Variants in MRO observed in about 807,000 individuals in gnomAD.
MRO encodes maestro.
MRO carries 28 observed loss-of-function variants against 31.0 expected under a neutral mutation model. That is an observed-to-expected ratio of 0.90 (90% CI 0.67 to 1.24). The LOEUF (loss-of-function observed/expected upper bound fraction) is 1.24, where lower values mean the gene tolerates loss of function less well. Ranked by LOEUF, MRO falls within the 50% of genes most tolerant of loss-of-function variation. MRO has a pLI of 0.00. For synonymous variants in MRO, 108 were observed against 108.4 expected (o/e 1.00, Z 0.02); for missense variants, 332 against 289.2 (o/e 1.15, Z -1.07).
intron 5 of MRO, 69 bp from the exon 6 acceptor site, chr18:50,801,573 A>G (rs963973158): frequency 3.5e-6 from 5 of 1,417,930 alleles, no homozygotes; most frequent in African/African-American, 1.4e-5. Context: ...ATCTGAACAC[A>G]TCACAGCCAT....
At chr18:50,806,589 T>G in intron 4 of MRO, 115 bp downstream of exon 4, 1 of 1,293,390 alleles carries the variant, frequency 7.7e-7, no homozygotes, top group Non-Finnish European at 1.1e-6. Context: ...GGTGGTTTGT[T>G]CCGGGGTGAT....
chr18:50,806,766 C>T lies in MRO; in HGVS notation c.184G>A (p.Ala62Thr), dbSNP rs776021164. 1 of 1,614,154 alleles carries T rather than the reference C, an allele frequency of 6.2e-7. No homozygotes were observed. Among genetic ancestry groups the T allele is most frequent in the Non-Finnish European group, 8.5e-7 (1 of 1,180,034 alleles). ...CTCATTGCCATGTGACGCTTTTTAG[C>T]ACTGGGGTCCCGAGCTCTTTCTGCC... is the stretch of plus-strand genomic sequence containing the variant. ...ILAERARDPSAKKRHMAMRNL... is the reference protein window; with the variant it reads ...ILAERARDPSTKKRHMAMRNL... Residue 62 changes from alanine to threonine, a missense_variant, in exon 4 of 8, where the codon GCT (alanine) becomes ACT (threonine). Ala to Thr is a moderately conservative substitution (Grantham distance 58). Coordinates refer to ENST00000398439, the MANE Select transcript of MRO (RefSeq NM_031939.6).
At chr18:50,817,575 C>CGGGCCTGAGCATTGCACTTTTTGTATGTG (rs770663988) in intron 2 of MRO, among the ~76,000 whole-genome samples, 20,422 of 151,514 alleles carry the variant, frequency 0.13, 1,340 homozygotes, top group Middle Eastern at 0.16. Flanking sequence ...CAGGGAGTGT[C>CGGGCCTGAGCATTGCACTTTTTGTATGTG]GGGCCTGAGC....
chr18:50,808,860 G>A (rs1012865577), intron 3 of MRO, among the ~76,000 whole-genome samples: 2 of 151,510 alleles, frequency 1.3e-5, no homozygotes, highest in Non-Finnish European at 1.5e-5. Context: ...ACTGTCGGCC[G>A]GGCGCGGTGG....
intron 2 of MRO, among the ~76,000 whole-genome samples, chr18:50,816,373 G>A (rs1352913887): frequency 1.3e-5 from 2 of 151,992 alleles, no homozygotes; most frequent in Admixed American, 6.6e-5. Context: ...CAGGTATATT[G>A]CCCTGTAAAT....
upstream of MRO, among the ~76,000 whole-genome samples, chr18:50,820,433 C>T (rs934854099): frequency 6.6e-6 from 1 of 152,224 alleles, no homozygotes; most frequent in African/African-American, 2.4e-5. Context: ...ACTCTCCAAA[C>T]ACGTGCATAA....
chr18:50,819,739 G>A (rs1369610133), intron 1 of MRO, 37 bp from the exon 2 acceptor site: 1 of 1,547,764 alleles, frequency 6.5e-7, no homozygotes, highest in Non-Finnish European at 8.7e-7. Context: ...GGTGACGCAG[G>A]GTCTGTCCAG....
In MRO at chr18:50,819,599, G is replaced by A; in HGVS notation, c.-23C>T. 1.3e-6 allele frequency: 2 copies of A among 1,551,636 alleles called. No homozygotes were observed. ...CCCTTACCTGCGGCTCCTGCAGGCG[G>A]CTGCCACGTGATGAACCGGAGCCCG... is the stretch of plus-strand genomic sequence containing the variant. On this transcript the variant is annotated 5_prime_UTR_variant, in exon 2 of 8. Coordinates refer to ENST00000398439, the MANE Select transcript of MRO (RefSeq NM_031939.6).
At chr18:50,819,137 A>G (rs1915168294) in intron 2 of MRO, among the ~76,000 whole-genome samples, 1 of 152,218 alleles carries the variant, frequency 6.6e-6, no homozygotes, top group South Asian at 2.1e-4. Context: ...ATGTTGAACA[A>G]TTAACTCAAA....
Position 50,796,175 on chromosome 18 carries a change from G to A in MRO, c.*3162C>T, listed in dbSNP as rs1244924460. The A allele has an allele frequency of 3.3e-5, 5 of 152,134 alleles. No individual in the cohort carries two copies. The highest frequency in any genetic ancestry group is 9.7e-5 in the African/African-American group (4 of 41,432). 9.4% of individuals were successfully genotyped at this position (152,134 alleles called of 1,614,324 possible). On this transcript the variant is annotated 3_prime_UTR_variant, in exon 8 of 8. Coordinates refer to ENST00000398439, the MANE Select transcript of MRO (RefSeq NM_031939.6). Reference sequence around the variant, plus strand: ...ACGTGGGGAAGGGGAAACTTGAAATGCACAAGCATAAAAGTAACCTGTACA... The same window carrying A: ...ACGTGGGGAAGGGGAAACTTGAAATACACAAGCATAAAAGTAACCTGTACA...
chr18:50,824,390 A>G (rs537013377), upstream of MRO, among the ~76,000 whole-genome samples: 11 of 151,750 alleles, frequency 7.2e-5, no homozygotes, highest in African/African-American at 2.7e-4. Flanking sequence ...AAAGTAAGCC[A>G]TGATCATGCC....
At chr18:50,822,971 G>A (rs1315597600), upstream of MRO, among the ~76,000 whole-genome samples, 1 of 152,142 alleles carries the variant, frequency 6.6e-6, no homozygotes, top group African/African-American at 2.4e-5. Flanking sequence ...ATTGATAAGA[G>A]CCAAGGAGAG....
intron 2 of MRO, chr18:50,814,366 C>CAGTGA (rs1479211033): frequency 2.4e-4 from 37 of 152,422 alleles, no homozygotes; most frequent in African/African-American, 8.0e-4. Context: ...CCCCTGCAGC[C>CAGTGA]AGTGAAGGTG....
At chr18:50,820,939 G>T (rs1015400188), upstream of MRO, among the ~76,000 whole-genome samples, 1 of 152,120 alleles carries the variant, frequency 6.6e-6, no homozygotes, top group Non-Finnish European at 1.5e-5. Context: ...GAAGAATGAG[G>T]CTAAAACACC....
chr18:50,821,685 A>G (rs1915309592), upstream of MRO, among the ~76,000 whole-genome samples: 1 of 152,230 alleles, frequency 6.6e-6, no homozygotes, highest in Non-Finnish European at 1.5e-5. Flanking sequence ...TTGTGTCTAA[A>G]GTTTCTTTGT....
At position 50,819,592 on chromosome 18, in the gene MRO, G is replaced by C; in HGVS notation, c.-16C>G. The C allele has an allele frequency of 6.4e-7, 1 of 1,551,630 alleles. No homozygotes were observed. The highest frequency in any genetic ancestry group is 8.7e-7 in the Non-Finnish European group (1 of 1,146,968). ...ACAGTGTCCCTTACCTGCGGCTCCT[G>C]CAGGCGGCTGCCACGTGATGAACCG... On this transcript the variant is annotated 5_prime_UTR_variant, in exon 2 of 8. Coordinates refer to ENST00000398439, the MANE Select transcript of MRO (RefSeq NM_031939.6).
In MRO at chr18:50,805,328, C is replaced by T. The variant is rs1358442186; in HGVS notation, c.255G>A (p.Lys85=). The stretch of plus-strand genomic sequence containing the variant: ...GCAGGTCGAGGACAATTTTCTTATA[C>T]TTTCTCACCTGTCACCAAGGTTTGA... ...MAYEAPDKVR[K]YKKIVLDLLV... is the part of the protein sequence containing the mutation. Residue 85 remains lysine, a synonymous_variant, in exon 5 of 8, where the codon AAG becomes AAA. Coordinates refer to ENST00000398439, the MANE Select transcript of MRO (RefSeq NM_031939.6). 1.9e-6 allele frequency: 3 copies of T among 1,613,466 alleles called. No homozygotes were observed. The highest frequency in any genetic ancestry group is 1.7e-6 in the Non-Finnish European group (2 of 1,179,682).
At position 50,801,452 on chromosome 18, in the gene MRO, G is replaced by C. The variant is rs778305107; in HGVS notation, c.482C>G (p.Ala161Gly). Residue 161 changes from alanine to glycine, a missense_variant, in exon 6 of 8, where the codon GCC becomes GGC. By Grantham distance (60) the Ala-to-Gly change is moderately conservative. Coordinates refer to ENST00000398439, the MANE Select transcript of MRO (RefSeq NM_031939.6). The stretch of plus-strand genomic sequence containing the variant: ...TTTTTTCCATTTCCTCCCGGCAAAG[G>C]CAGCCAATTGCCCAAACAAAACAAA... ...SAFVLFGQLA[A>G]FAGRKWKKFF... 6.2e-7 allele frequency: 1 copy of C among 1,612,446 alleles called. No homozygotes were observed. Among genetic ancestry groups the C allele is most frequent in the Non-Finnish European group, 8.5e-7 (1 of 1,179,092 alleles).
chr18:50,821,293 G>A (rs112366237), upstream of MRO, among the ~76,000 whole-genome samples: 920 of 152,282 alleles, frequency 6.0e-3, 9 homozygotes, highest in African/African-American at 0.021. Flanking sequence ...TAGCTCTGGA[G>A]GAGGAAGAAA....
Sources: gnomAD v4.1 joint callset for allele counts (sites outside exome capture counted in the v4.1 genomes callset) on GRCh38, gnomAD v4.1.1 for gene constraint, MANE v1.5 for transcripts, NCBI Gene and HGNC (gene_info 2026-07-23, HGNC 2026-07-21) for gene names.